Variants in ST6GALNAC3 observed in about 807,000 individuals in gnomAD.
The protein encoded by ST6GALNAC3 is alpha-N-acetylgalactosaminide alpha-2,6-sialyltransferase 3.
A neutral mutation model predicts 32.7 loss-of-function variants in ST6GALNAC3; 25 were observed. The observed-to-expected ratio is 0.76, with a 90% CI of 0.56 to 1.07. ST6GALNAC3 has a LOEUF of 1.07. Among genes scored for constraint, ST6GALNAC3 ranks in the 50% least tolerant of loss-of-function variants. The probability of loss-of-function intolerance (pLI) is 0.00; values close to 1 mark genes in which losing one functional copy is unlikely to be tolerated. For missense variants in ST6GALNAC3, 355 were observed against 382.4 expected, an observed-to-expected ratio of 0.93 and a Z score of 0.60; for synonymous variants, 129 against 133.1, an observed-to-expected ratio of 0.97 and a Z score of 0.21.
intron 3 of ST6GALNAC3, among the ~76,000 whole-genome samples, chr1:76,602,236 G>A (rs545244498): frequency 6.6e-6 from 1 of 152,116 alleles, no homozygotes; most frequent in Non-Finnish European, 1.5e-5. Context: ...CCTGAGTTAC[G>A]AATGGGGAAT....
intron 2 of ST6GALNAC3, among the ~76,000 whole-genome samples, chr1:76,368,026 A>G (rs1208802509): frequency 6.6e-6 from 1 of 152,138 alleles, no homozygotes. Context: ...GCACCTGCAT[A>G]AGGCTGAAGG....
At chr1:76,324,566 A>G in intron 2 of ST6GALNAC3, among the ~76,000 whole-genome samples, 1 of 152,218 alleles carries the variant, frequency 6.6e-6, no homozygotes, top group Non-Finnish European at 1.5e-5. Context: ...GTTCTACAGA[A>G]CACGTGATGA....
At chr1:76,268,485 C>T (rs918369731) in intron 1 of ST6GALNAC3, among the ~76,000 whole-genome samples, 1 of 152,112 alleles carries the variant, frequency 6.6e-6, no homozygotes, top group African/African-American at 2.4e-5. Flanking sequence ...TGGCAGTCAG[C>T]CTTTCCCTCC....
At chr1:76,592,343 CAA>C (rs893238117) in intron 3 of ST6GALNAC3, among the ~76,000 whole-genome samples, 11 of 152,076 alleles carry the variant, frequency 7.2e-5, no homozygotes, top group African/African-American at 2.7e-4. Flanking sequence ...TAAGGAAGAA[CAA>C]AGAGACGGGG....
intron 1 of ST6GALNAC3, among the ~76,000 whole-genome samples, chr1:76,131,762 CA>C (rs1447709003): frequency 6.6e-6 from 1 of 152,088 alleles, no homozygotes; most frequent in African/African-American, 2.4e-5. Flanking sequence ...TCTTTCTTTC[CA>C]CAATGGATAG....
chr1:76,307,080 C>T, intron 1 of ST6GALNAC3, among the ~76,000 whole-genome samples: 1 of 152,042 alleles, frequency 6.6e-6, no homozygotes, highest in East Asian at 1.9e-4. Context: ...ATATTGAGTA[C>T]ATAGAATGAA....
rs546903436 is a variant in ST6GALNAC3, at chr1:76,191,235, C to T, written c.18+116351C>T. ...ATGTTTATACTTGTGGAGAAGGAGA[C>T]CTTTGAAGTAACCAGACACCAAAAG... On this transcript the variant is annotated intron_variant, in intron 1 of 4. Transcript: ENST00000328299. 6.6e-4 allele frequency among the ~76,000 whole-genome samples: 100 copies of T among 151,838 alleles called. 1 individual carries two copies. Among genetic ancestry groups the T allele is most frequent in the Non-Finnish European group, 1.2e-3 (84 of 67,958 alleles).
intron 2 of ST6GALNAC3, among the ~76,000 whole-genome samples, chr1:76,323,588 G>T (rs578067405): frequency 1.3e-5 from 2 of 152,086 alleles, no homozygotes; most frequent in African/African-American, 4.8e-5. Flanking sequence ...TACATGCAAC[G>T]CACTGTGCTA....
chr1:76,455,502 C>A (rs1340291840), intron 3 of ST6GALNAC3, among the ~76,000 whole-genome samples: 2 of 152,160 alleles, frequency 1.3e-5, no homozygotes, highest in Non-Finnish European at 2.9e-5. Context: ...TTTCAGAAAA[C>A]ACCTCATACT....
intron 3 of ST6GALNAC3, chr1:76,412,989 T>A: frequency 2.8e-6 from 1 of 359,142 alleles, no homozygotes; most frequent in Non-Finnish European, 5.5e-6. Context: ...AGTTGAATTA[T>A]TTTAAAGAAA....
intron 3 of ST6GALNAC3, among the ~76,000 whole-genome samples, chr1:76,461,042 T>G (rs1658244168): frequency 6.6e-6 from 1 of 152,212 alleles, no homozygotes; most frequent in South Asian, 2.1e-4. Context: ...ATGGCCTATT[T>G]ATTGAAGTAA....
intron 1 of ST6GALNAC3, among the ~76,000 whole-genome samples, chr1:76,092,270 A>G (rs145745061): frequency 3.8e-4 from 58 of 152,372 alleles, no homozygotes; most frequent in African/African-American, 1.3e-3. Context: ...ATTTTTAGAA[A>G]GTAGTACAGG....
intron 1 of ST6GALNAC3, among the ~76,000 whole-genome samples, chr1:76,169,470 C>T (rs566302551): frequency 6.6e-6 from 1 of 152,052 alleles, no homozygotes; most frequent in Non-Finnish European, 1.5e-5. Flanking sequence ...TACTGGGGTT[C>T]TCTGCATTTT....
At chr1:76,184,591 A>G (rs537965302) in intron 1 of ST6GALNAC3, among the ~76,000 whole-genome samples, 13 of 150,570 alleles carry the variant, frequency 8.6e-5, no homozygotes, top group African/African-American at 2.9e-4. Flanking sequence ...AGGGGATTCT[A>G]GCTCTTCAGA....
intron 1 of ST6GALNAC3, among the ~76,000 whole-genome samples, chr1:76,220,021 C>T (rs1655679925): frequency 6.6e-6 from 1 of 152,090 alleles, no homozygotes. Context: ...CTGTAGGCAC[C>T]ACTTTTGCTT....
At chr1:76,555,967 C>T (rs1168529577) in intron 3 of ST6GALNAC3, among the ~76,000 whole-genome samples, 1 of 152,016 alleles carries the variant, frequency 6.6e-6, no homozygotes, top group Non-Finnish European at 1.5e-5. Context: ...ACCATCACTG[C>T]AACCAATTTT....
intron 3 of ST6GALNAC3, among the ~76,000 whole-genome samples, chr1:76,586,407 G>T (rs1646963024): frequency 6.6e-6 from 1 of 152,176 alleles, no homozygotes; most frequent in Admixed American, 6.5e-5. Context: ...TGAATGAAAT[G>T]AACTCTCAGT....
intron 3 of ST6GALNAC3, among the ~76,000 whole-genome samples, chr1:76,502,186 G>T (rs1661216072): frequency 6.6e-6 from 1 of 152,188 alleles, no homozygotes; most frequent in Non-Finnish European, 1.5e-5. Flanking sequence ...ACCTATTTGA[G>T]ATCAAGGGAT....
chr1:76,152,862 C>T (rs1205471627), intron 1 of ST6GALNAC3, among the ~76,000 whole-genome samples: 3 of 152,134 alleles, frequency 2.0e-5, no homozygotes, highest in Admixed American at 2.0e-4. Context: ...TCTTAGATGC[C>T]TTTTGGTGGT....
Sources: gnomAD v4.1 joint callset for allele counts (sites outside exome capture counted in the v4.1 genomes callset) on GRCh38, gnomAD v4.1.1 for gene constraint, MANE v1.5 for transcripts, NCBI Gene and HGNC (gene_info 2026-07-23, HGNC 2026-07-21) for gene names.